The following CCDC138 variants were observed in gnomAD, a reference collection of about 807,000 sequenced individuals.
CCDC138 encodes the protein coiled-coil domain containing 138.
Under a neutral mutation model 82.3 loss-of-function variants are expected in CCDC138, and 66 were observed. The ratio of observed to expected loss-of-function variants is 0.80; its 90% CI spans 0.66 to 0.98. CCDC138 has a LOEUF of 0.98. Ranked by LOEUF, CCDC138 falls within the 50% of genes least tolerant of loss-of-function variation. The pLI is 0.00. For synonymous variants in CCDC138, 297 were observed against 265.4 expected (o/e 1.12, Z -1.16); for missense variants, 816 against 758.9 (o/e 1.08, Z -0.88).
intron 11 of CCDC138, among the ~76,000 whole-genome samples, chr2:108,846,477 G>A (rs887021301): frequency 3.3e-5 from 5 of 150,758 alleles, no homozygotes; most frequent in Non-Finnish European, 4.4e-5. Context: ...CCAAGAGTTC[G>A]AGACCAGCCT....
At chr2:108,805,586 G>A (rs992480614) in intron 7 of CCDC138, among the ~76,000 whole-genome samples, 19 of 152,068 alleles carry the variant, frequency 1.2e-4, no homozygotes, top group Non-Finnish European at 1.9e-4. Flanking sequence ...AAATAGCTGG[G>A]CGTGATGGCG....
intron 13 of CCDC138, among the ~76,000 whole-genome samples, chr2:108,861,988 A>T (rs1295150932): frequency 1.3e-5 from 2 of 150,180 alleles, no homozygotes; most frequent in Non-Finnish European, 3.0e-5. Context: ...TTTAGTTTTC[A>T]TGTGTTTATA....
At chr2:108,849,336 T>C (rs1171398144) in intron 12 of CCDC138, among the ~76,000 whole-genome samples, 1 of 152,160 alleles carries the variant, frequency 6.6e-6, no homozygotes, top group African/African-American at 2.4e-5. Context: ...GTGAAAACTA[T>C]AAACACACAA....
chr2:108,850,122 T>G (rs370716984), intron 12 of CCDC138, among the ~76,000 whole-genome samples: 19 of 152,202 alleles, frequency 1.2e-4, no homozygotes, highest in African/African-American at 4.1e-4. Context: ...TATTTATCCT[T>G]TATCGTTAAA....
At chr2:108,788,238 G>C in intron 2 of CCDC138, 149 bp downstream of exon 2, 1 of 700,148 alleles carries the variant, frequency 1.4e-6, no homozygotes, top group Admixed American at 3.5e-5. Context: ...GGCCAACATA[G>C]TGAAATCCCG....
rs1211677142 is a variant in CCDC138 at position 108,798,371 on chromosome 2, A to G, written c.577-57A>G. 3 of 1,566,782 alleles carry G rather than the reference A, an allele frequency of 1.9e-6. No homozygotes were observed. In the East Asian group the frequency reaches 6.7e-5, roughly 35 times the overall value. On this transcript the variant is annotated intron_variant, in intron 5 of 14. Coordinates refer to ENST00000295124, the MANE Select transcript of CCDC138 (RefSeq NM_144978.3). ...AACCACAGTGTCAGCCAATAGGAAT[A>G]TAATTTGCAGAATTTGTGACTTTTC...
chr2:108,879,476 A>G (rs1415237694), downstream of CCDC138, among the ~76,000 whole-genome samples: 1 of 152,228 alleles, frequency 6.6e-6, no homozygotes, highest in East Asian at 1.9e-4. Context: ...AGAAAGAATA[A>G]GATTTAAAAG....
intron 5 of CCDC138, among the ~76,000 whole-genome samples, chr2:108,797,862 G>A (rs940753051): frequency 3.0e-4 from 46 of 152,180 alleles, no homozygotes; most frequent in African/African-American, 9.9e-4. Flanking sequence ...GGGAGAGAGA[G>A]TTGGCTGTGA....
intron 11 of CCDC138, among the ~76,000 whole-genome samples, chr2:108,846,195 T>C (rs563746594): frequency 4.6e-5 from 7 of 152,284 alleles, no homozygotes; most frequent in African/African-American, 1.7e-4. Context: ...TCCACCTCTG[T>C]TCCCTTGCTA....
At chr2:108,790,077 T>C (rs537496047) in intron 3 of CCDC138, among the ~76,000 whole-genome samples, 1 of 152,004 alleles carries the variant, frequency 6.6e-6, no homozygotes, top group East Asian at 1.9e-4. Flanking sequence ...TTTCTCTACT[T>C]AAATAAGTTA....
chr2:108,855,583 G>T (rs1692452849), intron 12 of CCDC138, among the ~76,000 whole-genome samples: 1 of 151,834 alleles, frequency 6.6e-6, no homozygotes. Context: ...TATTTACAAT[G>T]TTTTTTTAAA....
intron 14 of CCDC138, among the ~76,000 whole-genome samples, chr2:108,875,878 T>C (rs567694174): frequency 6.6e-5 from 10 of 152,246 alleles, no homozygotes; most frequent in South Asian, 6.2e-4. Flanking sequence ...AAAGTTTTCT[T>C]TTTTCCCCAG....
rs539011443 is a variant in CCDC138, at chr2:108,817,316, C to T, written c.1206+1211C>T. On this transcript the variant is annotated intron_variant, in intron 10 of 14. Transcript: ENST00000295124. ...TCTTTTTTCTTTTTTTTTTTTGAGGCGGAGTTTTGCTCTGTTGCCAGGCTG... is the reference window on the plus strand; with the variant it reads ...TCTTTTTTCTTTTTTTTTTTTGAGGTGGAGTTTTGCTCTGTTGCCAGGCTG... 4.4e-3 allele frequency among the ~76,000 whole-genome samples: 666 copies of T among 149,806 alleles called. 3 individuals are homozygous for T. Among genetic ancestry groups the T allele is most frequent in the African/African-American group, 0.016 (642 of 40,676 alleles).
Position 108,873,556 on chromosome 2 carries a change from T to C in CCDC138, c.1799T>C (p.Leu600Pro). The change falls in exon 14 of 15, where the codon CTC becomes CCC. Residue 600 changes from leucine to proline, a missense_variant. Leu to Pro is a moderately conservative substitution (Grantham distance 98). Transcript: ENST00000295124. ...PKLDLQILEK[L>P]SIILQKLSKI... is the part of the protein sequence containing the mutation. ...CTTGATCTTCAAATACTAGAAAAAC[T>C]CAGTATTATTTTACAGAAACTTTCC... 1 of 1,610,046 alleles carries C rather than the reference T, an allele frequency of 6.2e-7. No individual in the cohort carries two copies. Among genetic ancestry groups the C allele is most frequent in the Non-Finnish European group, 8.5e-7 (1 of 1,178,178 alleles).
chr2:108,799,236 AC>A (rs1284276832), intron 6 of CCDC138, among the ~76,000 whole-genome samples: 1 of 152,204 alleles, frequency 6.6e-6, no homozygotes, highest in Admixed American at 6.5e-5. Flanking sequence ...TAATATGTAG[AC>A]AAAATATTTT....
chr2:108,834,833 A>G (rs1036224449), intron 10 of CCDC138, among the ~76,000 whole-genome samples: 1 of 152,162 alleles, frequency 6.6e-6, no homozygotes. Flanking sequence ...TAAGTATCTC[A>G]TGTAAGTGGC....
At chr2:108,845,817 T>C (rs12471308) in intron 11 of CCDC138, among the ~76,000 whole-genome samples, 139,574 of 152,092 alleles carry the variant, frequency 0.92, 64,113 homozygotes, top group East Asian at 1. Context: ...ATGATCTGCC[T>C]GCCTCGGCGT....
At chr2:108,807,714 C>A (rs560772441) in intron 7 of CCDC138, among the ~76,000 whole-genome samples, 19 of 152,232 alleles carry the variant, frequency 1.2e-4, no homozygotes, top group African/African-American at 4.3e-4. Context: ...GCCTTCTGGA[C>A]TCAAGCGATT....
intron 12 of CCDC138, among the ~76,000 whole-genome samples, chr2:108,853,902 ATATAT>A (rs1692024630): frequency 8.1e-6 from 1 of 122,880 alleles, no homozygotes; most frequent in Admixed American, 1.0e-4. Context: ...TATATATATT[ATATAT>A]TATATAGTAT....
Sources: allele counts gnomAD v4.1 joint callset (sites outside exome capture counted in the v4.1 genomes callset), GRCh38; gene constraint gnomAD v4.1.1; transcripts MANE v1.5; gene names NCBI Gene and HGNC (gene_info 2026-07-23, HGNC 2026-07-21).